The following CPED1 variants were observed in gnomAD, a reference collection of about 807,000 sequenced individuals.
CPED1 encodes the protein cadherin like and PC-esterase domain containing 1.
In CPED1, 114 loss-of-function variants were observed where a neutral mutation model predicts 128.2. That is an observed-to-expected ratio of 0.89 (90% CI 0.76 to 1.04). CPED1 has a LOEUF of 1.04. CPED1 is among the 50% of genes least tolerant of loss of function. CPED1 has a pLI of 0.00. For missense variants in CPED1, 1,211 were observed against 1,207.1 expected, an observed-to-expected ratio of 1.00 and a Z score of -0.05; for synonymous variants, 462 against 426.7, an observed-to-expected ratio of 1.08 and a Z score of -1.02.
rs1798161488 is a variant in CPED1, at chr7:121,232,519, T to C, written c.2056-4195T>C. Among the ~76,000 whole-genome samples, 6 of 152,204 alleles carry C rather than the reference T, an allele frequency of 3.9e-5. No homozygotes were observed. In the South Asian group the frequency reaches 1.0e-3, roughly 26 times the overall value. ...CTTTGATCAGCAGTTCATCAGGACA[T>C]TGGGGAAAATACATCATAAGATCTC... On this transcript the variant is annotated intron_variant, in intron 16 of 22. Transcript: ENST00000310396.
chr7:121,042,398 A>G (rs191712900), intron 3 of CPED1, among the ~76,000 whole-genome samples: 31 of 152,264 alleles, frequency 2.0e-4, no homozygotes, highest in Non-Finnish European at 4.0e-4. Flanking sequence ...ACAGTGAGAG[A>G]GAAAGGCTAG....
At chr7:121,287,030 AACTC>A (rs1462451340) in intron 22 of CPED1, among the ~76,000 whole-genome samples, 1 of 152,110 alleles carries the variant, frequency 6.6e-6, no homozygotes, top group Admixed American at 6.5e-5. Flanking sequence ...ATCCCATGAG[AACTC>A]ACTCACTGTT....
chr7:121,222,860 A>C (rs1720885256), intron 16 of CPED1, among the ~76,000 whole-genome samples: 1 of 152,184 alleles, frequency 6.6e-6, no homozygotes, highest in Admixed American at 6.5e-5. Flanking sequence ...TTTTGGGCTG[A>C]GACAATGGGG....
intron 5 of CPED1, among the ~76,000 whole-genome samples, chr7:121,097,383 C>T (rs1177386545): frequency 1.3e-5 from 2 of 152,078 alleles, no homozygotes; most frequent in Non-Finnish European, 2.9e-5. Context: ...GAGAATGCAT[C>T]CCTTAGCTTT....
intron 16 of CPED1, among the ~76,000 whole-genome samples, chr7:121,174,461 C>T (rs1006938182): frequency 6.6e-6 from 1 of 151,228 alleles, no homozygotes; most frequent in African/African-American, 2.4e-5. Context: ...ATCCTTGCAC[C>T]ATTTATTGAA....
At position 121,086,277 on chromosome 7, in the gene CPED1, A is replaced by G. The variant is rs868108370; in HGVS notation, c.617-11422A>G. On this transcript the variant is annotated intron_variant, in intron 5 of 22. Coordinates refer to ENST00000310396, the MANE Select transcript of CPED1 (RefSeq NM_024913.5). ...ACAAAATGATATCTAAATTTTTCCA[A>G]TTACGTGATTTATTGGTAAATCTAC... 4.3e-4 allele frequency among the ~76,000 whole-genome samples: 66 copies of G among 152,308 alleles called. No individual in the cohort carries two copies. In the Middle Eastern group the frequency reaches 0.014, roughly 31 times the overall value.
At chr7:121,255,018 C>CA (rs912651256) in intron 18 of CPED1, among the ~76,000 whole-genome samples, 73 of 151,928 alleles carry the variant, frequency 4.8e-4, no homozygotes, top group African/African-American at 1.5e-3. Context: ...GAAACTATCC[C>CA]AAAAAATCAA....
intron 16 of CPED1, among the ~76,000 whole-genome samples, chr7:121,226,089 G>T (rs565465527): frequency 3.3e-4 from 50 of 152,114 alleles, no homozygotes; most frequent in Non-Finnish European, 6.2e-4. Flanking sequence ...CAGCTTTTCT[G>T]CTCTGGGTTT....
At chr7:121,024,933 C>T (rs1422855119) in intron 3 of CPED1, among the ~76,000 whole-genome samples, 2 of 152,228 alleles carry the variant, frequency 1.3e-5, no homozygotes, top group Non-Finnish European at 2.9e-5. Context: ...GTTTGCTACG[C>T]CAATGCATTA....
At chr7:121,082,596 G>A (rs186505179) in intron 5 of CPED1, among the ~76,000 whole-genome samples, 1 of 152,112 alleles carries the variant, frequency 6.6e-6, no homozygotes, top group East Asian at 1.9e-4. Context: ...TTATATGTCA[G>A]ACACTATGTC....
intron 16 of CPED1, among the ~76,000 whole-genome samples, chr7:121,223,472 A>C (rs113383651): frequency 1.3e-5 from 2 of 152,210 alleles, no homozygotes; most frequent in Non-Finnish European, 2.9e-5. Flanking sequence ...CTGGCCTCAT[A>C]AAATGAGTTA....
intron 16 of CPED1, among the ~76,000 whole-genome samples, chr7:121,146,362 G>T (rs10258619): frequency 0.64 from 97,894 of 152,004 alleles, 31,852 homozygotes; most frequent in East Asian, 0.89. Flanking sequence ...AATCACATCC[G>T]AAAAATCTTA....
rs148680599 is a variant in CPED1 at position 121,015,173 on chromosome 7, A to G, written c.250-492A>G. Among the ~76,000 whole-genome samples the G allele has an allele frequency of 5.1e-3, 779 of 152,324 alleles. 12 individuals are homozygous for G. The highest frequency in any genetic ancestry group is 0.018 in the African/African-American group (740 of 41,578). ...CTACAGCCTAATTGAGAGAAACTGC[A>G]GCACTGTTTATCTACAAAGAGCTCT... On this transcript the variant is annotated intron_variant, in intron 2 of 22. Transcript: ENST00000310396.
intron 2 of CPED1, among the ~76,000 whole-genome samples, chr7:121,014,560 AAT>A (rs1210374716): frequency 2.4e-4 from 35 of 146,482 alleles, no homozygotes; most frequent in African/African-American, 7.6e-4. Context: ...AAAAAAAAAA[AAT>A]AATAATAATA....
intron 16 of CPED1, among the ~76,000 whole-genome samples, chr7:121,212,905 C>G (rs1048167994): frequency 6.6e-6 from 1 of 151,722 alleles, no homozygotes; most frequent in African/African-American, 2.4e-5. Context: ...GGACTGTTAT[C>G]CAAAAGTGGA....
At chr7:121,067,013 A>G (rs930024976) in intron 5 of CPED1, among the ~76,000 whole-genome samples, 1 of 152,062 alleles carries the variant, frequency 6.6e-6, no homozygotes, top group African/African-American at 2.4e-5. Flanking sequence ...ATCATTTTAT[A>G]TGAGGAACTT....
chr7:121,213,277 C>T (rs1391360540), intron 16 of CPED1, among the ~76,000 whole-genome samples: 2 of 151,966 alleles, frequency 1.3e-5, no homozygotes, highest in Non-Finnish European at 2.9e-5. Flanking sequence ...AAGCTGTGTG[C>T]CTCCAAGAAA....
At chr7:121,242,970 ATCCC>A (rs1798435472) in intron 17 of CPED1, among the ~76,000 whole-genome samples, 1 of 152,136 alleles carries the variant, frequency 6.6e-6, no homozygotes, top group African/African-American at 2.4e-5. Context: ...CAATTCTAAC[ATCCC>A]TGAAGTCATG....
At chr7:121,116,995 T>G (rs902678247) in intron 7 of CPED1, among the ~76,000 whole-genome samples, 1 of 147,744 alleles carries the variant, frequency 6.8e-6, no homozygotes, top group Non-Finnish European at 1.5e-5. Context: ...CACACACATA[T>G]ATATACACAC....
Sources: gnomAD v4.1 joint callset for allele counts (sites outside exome capture counted in the v4.1 genomes callset) on GRCh38, gnomAD v4.1.1 for gene constraint, MANE v1.5 for transcripts, NCBI Gene and HGNC (gene_info 2026-07-23, HGNC 2026-07-21) for gene names.